The following SLC24A4 variants were observed in gnomAD, a reference collection of about 807,000 sequenced individuals.
The protein encoded by SLC24A4 is sodium/potassium/calcium exchanger 4.
A neutral mutation model predicts 79.0 loss-of-function variants in SLC24A4; 53 were observed. The ratio of observed to expected loss-of-function variants is 0.67; its 90% CI spans 0.54 to 0.84. The LOEUF (loss-of-function observed/expected upper bound fraction) is 0.84, where lower values mean the gene tolerates loss of function less well. Ranked by LOEUF, SLC24A4 falls within the 40% of genes least tolerant of loss-of-function variation. The probability of loss-of-function intolerance (pLI) is 0.00; values close to 1 mark genes in which losing one functional copy is unlikely to be tolerated. For missense variants in SLC24A4, 731 were observed against 822.0 expected (o/e 0.89, Z 1.35); for synonymous variants, 323 against 323.8 (o/e 1.00, Z 0.03).
At chr14:92,436,208 A>G (rs1892156328) in intron 3 of SLC24A4, among the ~76,000 whole-genome samples, 1 of 152,256 alleles carries the variant, frequency 6.6e-6, no homozygotes, top group Admixed American at 6.5e-5. Flanking sequence ...ATGCAAGAGC[A>G]GGGAAAACTG....
chr14:92,436,889 T>A (rs1892205132), intron 3 of SLC24A4, among the ~76,000 whole-genome samples: 1 of 152,174 alleles, frequency 6.6e-6, no homozygotes, highest in African/African-American at 2.4e-5. Context: ...TTCTCCCCTT[T>A]ACCCACACCC....
intron 2 of SLC24A4, among the ~76,000 whole-genome samples, chr14:92,396,590 A>G (rs1169239276): frequency 6.6e-6 from 1 of 152,186 alleles, no homozygotes; most frequent in Non-Finnish European, 1.5e-5. Context: ...TTTCTGCATC[A>G]CCCACAACTT....
chr14:92,356,854 G>A (rs773294346), intron 2 of SLC24A4, among the ~76,000 whole-genome samples: 2 of 152,188 alleles, frequency 1.3e-5, no homozygotes. Flanking sequence ...TCCTGTCCCT[G>A]AGGATCTAAC....
Position 92,461,968 on chromosome 14 carries a change from G to A in SLC24A4, c.1255+5360G>A, listed in dbSNP as rs1042374612. On this transcript the variant is annotated intron_variant, in intron 12 of 16. Transcript: ENST00000532405. ...CCGAGCACCAGACACTATCCTCTGA[G>A]TACTGCCTCTTCATTCCAGGCACTT... 5.9e-5 allele frequency among the ~76,000 whole-genome samples: 9 copies of A among 152,364 alleles called. No individual in the cohort carries two copies. The South Asian group carries it at 1.9e-3, about 32-fold the overall frequency.
At chr14:92,340,614 G>A (rs965116932) in intron 2 of SLC24A4, among the ~76,000 whole-genome samples, 2 of 152,114 alleles carry the variant, frequency 1.3e-5, no homozygotes, top group African/African-American at 2.4e-5. Context: ...TGTGTCTCAC[G>A]TGAGGATTTA....
At chr14:92,427,803 C>T (rs1348260205) in intron 2 of SLC24A4, among the ~76,000 whole-genome samples, 1 of 152,234 alleles carries the variant, frequency 6.6e-6, no homozygotes, top group Non-Finnish European at 1.5e-5. Flanking sequence ...CCCAGCATTA[C>T]ATAGAAACCT....
At chr14:92,471,260 C>T (rs989547704) in intron 12 of SLC24A4, among the ~76,000 whole-genome samples, 1 of 152,174 alleles carries the variant, frequency 6.6e-6, no homozygotes, top group Non-Finnish European at 1.5e-5. Flanking sequence ...CCAGTGACTC[C>T]CTACTCCTAG....
intron 2 of SLC24A4, among the ~76,000 whole-genome samples, chr14:92,371,004 T>G (rs1440460502): frequency 2.6e-5 from 4 of 152,190 alleles, no homozygotes; most frequent in Non-Finnish European, 5.9e-5. Flanking sequence ...CAATCAAGTA[T>G]TGATACAAGA....
chr14:92,364,283 C>T (rs11850736), intron 2 of SLC24A4, among the ~76,000 whole-genome samples: 106 of 152,230 alleles, frequency 7.0e-4, no homozygotes, highest in Middle Eastern at 6.8e-3. Flanking sequence ...TAGAATGGTT[C>T]GAATGGGATC....
chr14:92,458,353 C>T (rs1463138491), intron 12 of SLC24A4, among the ~76,000 whole-genome samples: 4 of 152,128 alleles, frequency 2.6e-5, no homozygotes, highest in Admixed American at 2.6e-4. Flanking sequence ...ACCAGAAGGC[C>T]GAGGGGATTG....
chr14:92,363,835 AAAAG>A (rs1232378501), intron 2 of SLC24A4, among the ~76,000 whole-genome samples: 1 of 151,938 alleles, frequency 6.6e-6, no homozygotes, highest in Non-Finnish European at 1.5e-5. Context: ...TCTAAAAAAA[AAAAG>A]AAAAGAAAAG....
intron 2 of SLC24A4, among the ~76,000 whole-genome samples, chr14:92,392,978 T>C (rs1359586323): frequency 6.6e-6 from 1 of 152,034 alleles, no homozygotes; most frequent in East Asian, 1.9e-4. Flanking sequence ...GGGACACCTG[T>C]TCCACTGTGT....
Position 92,456,592 on chromosome 14 carries a change from C to T in SLC24A4, c.1239C>T (p.Ser413=), listed in dbSNP as rs1157084100. 2 of 1,613,542 alleles carry T rather than the reference C, an allele frequency of 1.2e-6. No homozygotes were observed. Among genetic ancestry groups the T allele is most frequent in the East Asian group, 4.5e-5 (2 of 44,876 alleles). ...AGCCGGTGGAGGCTGACTTCCTGTC[C>T]CCCTTCTCCGTGCCGGGTGAGTTCT... is the stretch of plus-strand genomic sequence containing the variant. The part of the protein sequence containing the change: ...EPEPVEADFL[S]PFSVPEARGD... Residue 413 remains serine, a synonymous_variant, in exon 12 of 17, where the codon TCC becomes TCT. Transcript: ENST00000532405.
At chr14:92,478,652 TG>T (rs199763073) in intron 12 of SLC24A4, among the ~76,000 whole-genome samples, 9,593 of 142,244 alleles carry the variant, frequency 0.067, 732 homozygotes, top group African/African-American at 0.18. Context: ...AGCTTTGTTT[TG>T]TTTTTTTTTC....
At chr14:92,459,113 G>A (rs941811682) in intron 12 of SLC24A4, among the ~76,000 whole-genome samples, 5 of 152,206 alleles carry the variant, frequency 3.3e-5, no homozygotes, top group African/African-American at 1.2e-4. Context: ...CTGTCCAGGC[G>A]CTGCAGGAAA....
intron 12 of SLC24A4, 95 bp downstream of exon 12, chr14:92,456,703 G>A (rs1474060827): frequency 8.1e-7 from 1 of 1,238,728 alleles, no homozygotes; most frequent in African/African-American, 1.5e-5. Context: ...GGACTTGTAA[G>A]GGCGGCAGAG....
chr14:92,427,779 C>A (rs1891646377), intron 2 of SLC24A4, among the ~76,000 whole-genome samples: 1 of 152,240 alleles, frequency 6.6e-6, no homozygotes, highest in South Asian at 2.1e-4. Flanking sequence ...CTACGGTCTG[C>A]ATGTTTGTAT....
intron 2 of SLC24A4, among the ~76,000 whole-genome samples, chr14:92,350,086 C>T: frequency 6.6e-6 from 1 of 152,202 alleles, no homozygotes; most frequent in East Asian, 1.9e-4. Context: ...TCAATAACTA[C>T]AGGGTTATGA....
chr14:92,418,045 C>G (rs61977270), intron 2 of SLC24A4, among the ~76,000 whole-genome samples: 10,054 of 152,312 alleles, frequency 0.066, 444 homozygotes, highest in East Asian at 0.095. Context: ...CTGTTCCTTC[C>G]TTTCCAGGGA....
Sources: allele counts gnomAD v4.1 joint callset (sites outside exome capture counted in the v4.1 genomes callset), GRCh38; gene constraint gnomAD v4.1.1; transcripts MANE v1.5; gene names NCBI Gene and HGNC (gene_info 2026-07-23, HGNC 2026-07-21).